The following FGF2 variants were observed in gnomAD, a reference collection of about 807,000 sequenced individuals.
The protein encoded by FGF2 is basic fibroblast growth factor bFGF.
A neutral mutation model predicts 15.9 loss-of-function variants in FGF2; 13 were observed. That is an observed-to-expected ratio of 0.82 (90% CI 0.53 to 1.30). FGF2 has a LOEUF of 1.30. Among genes scored for constraint, FGF2 ranks in the 50% most tolerant of loss-of-function variants. FGF2 has a pLI of 0.00. For synonymous variants in FGF2, 90 were observed against 78.4 expected, an observed-to-expected ratio of 1.15 and a Z score of -0.78; for missense variants, 163 against 196.9, an observed-to-expected ratio of 0.83 and a Z score of 1.03.
intron 1 of FGF2, among the ~76,000 whole-genome samples, chr4:122,872,258 T>C (rs45472300): frequency 0.043 from 6,503 of 151,114 alleles, 451 homozygotes; most frequent in African/African-American, 0.15. Flanking sequence ...ATCAACCAAG[T>C]AGAAGAAAGG....
At chr4:122,877,436 A>G (rs1242742979) in intron 2 of FGF2, among the ~76,000 whole-genome samples, 1 of 152,024 alleles carries the variant, frequency 6.6e-6, no homozygotes, top group East Asian at 1.9e-4. Context: ...TTTCTTTTTT[A>G]CATGTTATCA....
At position 122,876,353 on chromosome 4, in the gene FGF2, G is replaced by A. The variant is rs1182102110; in HGVS notation, c.211G>A (p.Val71Ile). ...ACAACTTCAAGCAGAAGAGAGAGGA[G>A]TTGTGTCTATCAAAGGAGTGTGTGC... Reference protein sequence around the residue: ...KLQLQAEERGVVSIKGVCANR... With the variant: ...KLQLQAEERGIVSIKGVCANR... The change falls in exon 2 of 3, where the codon GTT becomes ATT. Residue 71 changes from valine (V) to isoleucine (I), a missense_variant. Coordinates refer to ENST00000644866, the MANE Select transcript of FGF2 (RefSeq NM_001361665.2). 1 of 1,613,346 alleles carries A rather than the reference G, an allele frequency of 6.2e-7. No individual in the cohort carries two copies.
At chr4:122,859,828 C>T (rs1308037941) in intron 1 of FGF2, among the ~76,000 whole-genome samples, 4 of 152,286 alleles carry the variant, frequency 2.6e-5, no homozygotes, top group Middle Eastern at 3.4e-3. Flanking sequence ...TTAACATCTG[C>T]GGTTTACTTC....
chr4:122,863,698 C>T (rs1235733915), intron 1 of FGF2, among the ~76,000 whole-genome samples: 2 of 152,184 alleles, frequency 1.3e-5, no homozygotes, highest in African/African-American at 2.4e-5. Context: ...AATCACATGG[C>T]TGCAATTCTT....
Position 122,852,029 on chromosome 4 carries a change from ACTGTTATTTATTATT to A in FGF2, c.179-24290_179-24276del, listed in dbSNP as rs558105391. Among the ~76,000 whole-genome samples the A allele has an allele frequency of 8.9e-3, 1,362 of 152,296 alleles. 14 individuals carry two copies. The highest frequency in any genetic ancestry group is 0.031 in the Middle Eastern group (9 of 294). ...CTGTCAAATAATAAGTAACCATTTT[ACTGTTATTTATTATT>A]CCTAAATCTCTCAAAGCTTATATCT... On this transcript the variant is annotated intron_variant, in intron 1 of 2. Transcript: ENST00000644866.
At chr4:122,831,460 C>T (rs897578081) in intron 1 of FGF2, among the ~76,000 whole-genome samples, 1 of 152,160 alleles carries the variant, frequency 6.6e-6, no homozygotes, top group Non-Finnish European at 1.5e-5. Context: ...TTTAATAATA[C>T]ACGTACTAGA....
At chr4:122,865,491 A>G (rs915820712) in intron 1 of FGF2, among the ~76,000 whole-genome samples, 1 of 151,994 alleles carries the variant, frequency 6.6e-6, no homozygotes, top group Non-Finnish European at 1.5e-5. Flanking sequence ...GGGTTTTGCC[A>G]TGTTGGCCAG....
In FGF2 at chr4:122,858,824, C is replaced by A. The variant is rs1530750; in HGVS notation, c.179-17497C>A. Among the ~76,000 whole-genome samples the A allele has an allele frequency of 3.7e-3, 565 of 152,254 alleles. 6 individuals are homozygous for A. Among genetic ancestry groups the A allele is most frequent in the African/African-American group, 0.012 (492 of 41,560 alleles). ...GAAGAAAAAAAAACAGTGGTTATAC[C>A]TTGGAATTTAGTTTTCAGTTACTGG... On this transcript the variant is annotated intron_variant, in intron 1 of 2. Transcript: ENST00000644866.
intron 1 of FGF2, among the ~76,000 whole-genome samples, chr4:122,834,535 G>T (rs1172793345): frequency 6.6e-6 from 1 of 152,042 alleles, no homozygotes; most frequent in Non-Finnish European, 1.5e-5. Context: ...ATGCTACTCT[G>T]ACATGTGGCA....
chr4:122,855,398 A>G (rs548165289), intron 1 of FGF2, among the ~76,000 whole-genome samples: 45 of 152,216 alleles, frequency 3.0e-4, no homozygotes, highest in Non-Finnish European at 5.1e-4. Flanking sequence ...ATTTTCAAGA[A>G]TTGATTTATA....
chr4:122,827,008 G>A lies in FGF2; in HGVS notation c.-167G>A. 1 of 1,219,622 alleles carries A rather than the reference G, an allele frequency of 8.2e-7. No homozygotes were observed. Among genetic ancestry groups the A allele is most frequent in the African/African-American group, 1.6e-5 (1 of 63,664 alleles). The allele number at this position is 1,219,622 out of a possible 1,614,324, so 75.6% of individuals were successfully genotyped here. ...ACAGAAGAGCGGCCGAGCGGCTCGAGGCTGGGGGACCGCGGGCGCGGCCGC... is the reference window on the plus strand; with the variant it reads ...ACAGAAGAGCGGCCGAGCGGCTCGAAGCTGGGGGACCGCGGGCGCGGCCGC... On this transcript the variant is annotated 5_prime_UTR_variant, in exon 1 of 3. Coordinates refer to ENST00000644866, the MANE Select transcript of FGF2 (RefSeq NM_001361665.2). This position sits in a 1 kb window ranked among gnomAD's most constrained non-coding sequence, Gnocchi z 4.2.
intron 1 of FGF2, among the ~76,000 whole-genome samples, chr4:122,868,079 A>G (rs1726641416): frequency 6.6e-6 from 1 of 152,076 alleles, no homozygotes; most frequent in Non-Finnish European, 1.5e-5. Context: ...GTTTCCTTTT[A>G]GTGGTGTGTT....
intron 2 of FGF2, chr4:122,890,106 G>A (rs1399539103): frequency 6.6e-6 from 1 of 152,106 alleles, no homozygotes; most frequent in Non-Finnish European, 1.5e-5. Flanking sequence ...GAAAAGGGAA[G>A]ATTTTTTTTT....
At chr4:122,859,548 A>C (rs538887078) in intron 1 of FGF2, among the ~76,000 whole-genome samples, 1 of 152,260 alleles carries the variant, frequency 6.6e-6, no homozygotes, top group East Asian at 1.9e-4. Flanking sequence ...AGGATTCCTA[A>C]AAACATAATT....
rs1330031790 is a variant in FGF2 at position 122,896,765 on chromosome 4, T to C, written c.*4369T>C. 6.6e-6 allele frequency: 1 copy of C among 152,200 alleles called. No individual in the cohort carries two copies. Among genetic ancestry groups the C allele is most frequent in the Non-Finnish European group, 1.5e-5 (1 of 68,022 alleles). The allele number at this position is 152,200 out of a possible 1,614,324, so 9.4% of individuals were successfully genotyped here. A position where few individuals can be genotyped will look rare whatever the true frequency, so the allele number is the denominator to read the frequency against. On this transcript the variant is annotated 3_prime_UTR_variant, in exon 3 of 3. Transcript: ENST00000644866. ...TTTTAAAAATCAAGCTTTAAGTACATGGACATTTTTAAATAAAATATTTAA... is the reference window on the plus strand; with the variant it reads ...TTTTAAAAATCAAGCTTTAAGTACACGGACATTTTTAAATAAAATATTTAA...
chr4:122,878,746 A>G (rs1037337937), intron 2 of FGF2, among the ~76,000 whole-genome samples: 2 of 152,220 alleles, frequency 1.3e-5, no homozygotes, highest in African/African-American at 2.4e-5. Flanking sequence ...GATCCTGGCA[A>G]TAACAGTAGG....
At chr4:122,842,587 T>G (rs546382074) in intron 1 of FGF2, among the ~76,000 whole-genome samples, 2 of 152,266 alleles carry the variant, frequency 1.3e-5, no homozygotes, top group South Asian at 4.2e-4. Flanking sequence ...ACAGAAACAT[T>G]AAAGAAATGT....
chr4:122,882,378 G>A (rs1321428874), intron 2 of FGF2: 1 of 152,210 alleles, frequency 6.6e-6, no homozygotes, highest in African/African-American at 2.4e-5. Context: ...CAAGTTAAAA[G>A]AATGTAGACC....
rs1003086506 is a variant in FGF2 at position 122,895,373 on chromosome 4, C to T, written c.*2977C>T. ...TATGTTGTATTGTTTTGTTTAGTTA[C>T]AGGACAATAATGAAATGGAGTTTAT... On this transcript the variant is annotated 3_prime_UTR_variant, in exon 3 of 3. Coordinates refer to ENST00000644866, the MANE Select transcript of FGF2 (RefSeq NM_001361665.2). The T allele has an allele frequency of 6.6e-6, 1 of 152,014 alleles. No homozygotes were observed. Among genetic ancestry groups the T allele is most frequent in the Non-Finnish European group, 1.5e-5 (1 of 67,986 alleles). The allele number at this position is 152,014 out of a possible 1,614,324, so 9.4% of individuals were successfully genotyped here.
Sources: allele counts gnomAD v4.1 joint callset (sites outside exome capture counted in the v4.1 genomes callset), GRCh38; gene constraint gnomAD v4.1.1; non-coding constraint Gnocchi (gnomAD v3.1); transcripts MANE v1.5; gene names NCBI Gene and HGNC (gene_info 2026-07-23, HGNC 2026-07-21).